DNAJC18: variants seen among roughly 807,000 people sequenced by gnomAD.
The protein encoded by DNAJC18 is dnaJ homolog subfamily C member 18.
DNAJC18 carries 40 observed loss-of-function variants against 48.6 expected under a neutral mutation model. The ratio of observed to expected loss-of-function variants is 0.82; its 90% confidence interval spans 0.64 to 1.07. The LOEUF is 1.07. Among genes scored for constraint, DNAJC18 ranks in the 50% least tolerant of loss-of-function variants. DNAJC18 has a pLI of 0.00. For missense variants in DNAJC18, 340 were observed against 427.7 expected (o/e 0.79, Z 1.81); for synonymous variants, 135 against 152.2 (o/e 0.89, Z 0.83).
intron 1 of DNAJC18, among the ~76,000 whole-genome samples, chr5:139,437,836 T>C (rs977395607): frequency 2.6e-4 from 40 of 152,164 alleles, no homozygotes; most frequent in African/African-American, 9.2e-4. Flanking sequence ...TCAATTCTTT[T>C]ACACTAACAA....
At chr5:139,429,233 G>A (rs184100005) in intron 2 of DNAJC18, among the ~76,000 whole-genome samples, 74 of 151,938 alleles carry the variant, frequency 4.9e-4, no homozygotes, top group Middle Eastern at 3.4e-3. Context: ...ACAGGGATGC[G>A]CCACCAGCCC....
At chr5:139,419,306 T>G (rs1268286266) in intron 7 of DNAJC18, 5 of 367,968 alleles carry the variant, frequency 1.4e-5, no homozygotes, top group African/African-American at 1.1e-4. Context: ...CTACCCCTGC[T>G]GCAGACACTC....
intron 6 of DNAJC18, among the ~76,000 whole-genome samples, 172 bp downstream of exon 6, chr5:139,422,536 C>T (rs1396432870): frequency 6.6e-6 from 1 of 152,178 alleles, no homozygotes; most frequent in Non-Finnish European, 1.5e-5. Context: ...CAGGAGACTG[C>T]CTCAGTATTT....
chr5:139,425,676 C>T (rs886822099), intron 4 of DNAJC18, among the ~76,000 whole-genome samples: 4 of 152,140 alleles, frequency 2.6e-5, no homozygotes, highest in African/African-American at 7.2e-5. Context: ...AGCATTAGGG[C>T]CGTGAATCCT....
chr5:139,431,071 G>T (rs924825340), intron 2 of DNAJC18, among the ~76,000 whole-genome samples: 1 of 152,150 alleles, frequency 6.6e-6, no homozygotes, highest in African/African-American at 2.4e-5. Flanking sequence ...GGTCTGGGCT[G>T]TCAGCAGATC....
chr5:139,421,724 C>G (rs1759156936), intron 6 of DNAJC18, among the ~76,000 whole-genome samples: 1 of 152,044 alleles, frequency 6.6e-6, no homozygotes, highest in Admixed American at 6.6e-5. Context: ...ACATGAATTC[C>G]TTGAACCAGG....
At chr5:139,422,930 G>A (rs1405849835) in intron 5 of DNAJC18, 113 bp from the exon 6 acceptor site, 3 of 554,178 alleles carry the variant, frequency 5.4e-6, no homozygotes, top group East Asian at 9.1e-5. Context: ...CCGCCTCTCG[G>A]GTTCACGCCA....
rs1266481099 is a variant in DNAJC18, at chr5:139,411,416, T to C, written c.*2732A>G. 1 of 152,218 alleles carries C rather than the reference T, an allele frequency of 6.6e-6. No individual in the cohort carries two copies. Among genetic ancestry groups the C allele is most frequent in the Non-Finnish European group, 1.5e-5 (1 of 68,022 alleles). The allele number at this position is 152,218 out of a possible 1,614,324, so 9.4% of individuals were successfully genotyped here. ...TGCAGTAATGCTCAAAGAAACAGTC[T>C]AGAGCTGGGTGCCAAGCTCCGGCAG... On this transcript the variant is annotated 3_prime_UTR_variant, in exon 8 of 8. Transcript: ENST00000302060.
In DNAJC18 at chr5:139,413,965, A is replaced by T; in HGVS notation, c.*183T>A. ...CTCCTGGTCCCTGGAGCCACTCCCC[A>T]GGAAGGATCCTGTGAAGACACATCT... On this transcript the variant is annotated 3_prime_UTR_variant, in exon 8 of 8. Coordinates refer to ENST00000302060, the MANE Select transcript of DNAJC18 (RefSeq NM_152686.4). The T allele has an allele frequency of 1.2e-6, 1 of 827,260 alleles. No individual in the cohort carries two copies. The highest frequency in any genetic ancestry group is 1.8e-6 in the Non-Finnish European group (1 of 550,504). The allele number at this position is 827,260 out of a possible 1,614,324, so 51.2% of individuals were successfully genotyped here. A position where few individuals can be genotyped will look rare whatever the true frequency, so the allele number is the denominator to read the frequency against.
intron 2 of DNAJC18, among the ~76,000 whole-genome samples, chr5:139,432,948 T>A (rs1376125539): frequency 1.3e-5 from 2 of 152,176 alleles, no homozygotes; most frequent in Admixed American, 1.3e-4. Flanking sequence ...TTGTGACATT[T>A]CTTTTCCAGA....
rs1759016882 is a variant in DNAJC18, at chr5:139,413,051, A to T, written c.*1097T>A. 1 of 397,484 alleles carries T rather than the reference A, an allele frequency of 2.5e-6. No individual in the cohort carries two copies. Among genetic ancestry groups the T allele is most frequent in the African/African-American group, 2.1e-5 (1 of 48,762 alleles). 24.6% of individuals were successfully genotyped at this position (397,484 alleles called of 1,614,324 possible). A position where few individuals can be genotyped will look rare whatever the true frequency, so the allele number is the denominator to read the frequency against. On this transcript the variant is annotated 3_prime_UTR_variant, in exon 8 of 8. Coordinates refer to ENST00000302060, the MANE Select transcript of DNAJC18 (RefSeq NM_152686.4). ...AATGTTCTCATTCATAGAACCAGGG[A>T]TAATACATCTACTTCAGAGTTGTGA...
chr5:139,438,434 T>A (rs1004390826), intron 1 of DNAJC18, among the ~76,000 whole-genome samples: 1 of 152,170 alleles, frequency 6.6e-6, no homozygotes, highest in Non-Finnish European at 1.5e-5. Flanking sequence ...CCCAAGACAA[T>A]TCTTCTTCCA....
chr5:139,435,561 T>C (rs1301176452), intron 2 of DNAJC18, among the ~76,000 whole-genome samples: 1 of 152,164 alleles, frequency 6.6e-6, no homozygotes, highest in Non-Finnish European at 1.5e-5. Flanking sequence ...TAGTATTTTA[T>C]TGAATATTTT....
At chr5:139,435,719 T>TTTTTTTTG in intron 2 of DNAJC18, among the ~76,000 whole-genome samples, 1 of 122,084 alleles carries the variant, frequency 8.2e-6, no homozygotes, top group Non-Finnish European at 1.7e-5. Context: ...TTTTTTTTTT[T>TTTTTTTTG]TTTTTTTTTT....
intron 5 of DNAJC18, among the ~76,000 whole-genome samples, chr5:139,423,754 A>G (rs1759189955): frequency 2.0e-5 from 3 of 152,078 alleles, no homozygotes; most frequent in Admixed American, 2.0e-4. Context: ...AAAATCCAAA[A>G]AAAAAAAAAA....
At chr5:139,415,665 C>T (rs1759060254) in intron 7 of DNAJC18, among the ~76,000 whole-genome samples, 1 of 152,252 alleles carries the variant, frequency 6.6e-6, no homozygotes, top group African/African-American at 2.4e-5. Context: ...TGAAAGCTCT[C>T]TGCTCCTGCA....
At chr5:139,419,959 C>A in intron 7 of DNAJC18, 94 bp downstream of exon 7, 1 of 1,272,300 alleles carries the variant, frequency 7.9e-7, no homozygotes. Flanking sequence ...ACATGCGTAG[C>A]CTCAAACAAG....
rs1295180890 is a variant in DNAJC18 at position 139,412,035 on chromosome 5, A to G, written c.*2113T>C. 6.6e-6 allele frequency: 1 copy of G among 152,140 alleles called. No individual in the cohort carries two copies. The highest frequency in any genetic ancestry group is 1.5e-5 in the Non-Finnish European group (1 of 68,018). 9.4% of individuals were successfully genotyped at this position (152,140 alleles called of 1,614,324 possible). On this transcript the variant is annotated 3_prime_UTR_variant, in exon 8 of 8. Transcript: ENST00000302060. ...CCCCTAAAACCAGGAGGACAGATCTAGTTGGGCAGCAAAATCTGGCTATTT... is the reference window on the plus strand; with the variant it reads ...CCCCTAAAACCAGGAGGACAGATCTGGTTGGGCAGCAAAATCTGGCTATTT...
intron 7 of DNAJC18, chr5:139,419,130 G>C (rs1453085212): frequency 6.7e-6 from 3 of 450,878 alleles, no homozygotes; most frequent in Non-Finnish European, 1.3e-5. Flanking sequence ...GTCAGAATTT[G>C]CTTTTTAAAC....
Sources: allele counts gnomAD v4.1 joint callset (sites outside exome capture counted in the v4.1 genomes callset), GRCh38; gene constraint gnomAD v4.1.1; transcripts MANE v1.5; gene names NCBI Gene and HGNC (gene_info 2026-07-23, HGNC 2026-07-21).